The following ZDHHC21 variants were observed in gnomAD, a reference collection of about 807,000 sequenced individuals.
ZDHHC21 encodes palmitoyltransferase ZDHHC21.
A neutral mutation model predicts 34.6 loss-of-function variants in ZDHHC21; 15 were observed. The observed-to-expected ratio is 0.43, with a 90% CI of 0.29 to 0.67. The LOEUF (loss-of-function observed/expected upper bound fraction) is 0.67. ZDHHC21 is among the 30% of genes least tolerant of loss of function. The probability of loss-of-function intolerance (pLI) is 0.14; values close to 1 mark genes in which losing one functional copy is unlikely to be tolerated. For synonymous variants in ZDHHC21, 142 were observed against 101.8 expected, an observed-to-expected ratio of 1.40 and a Z score of -2.38; for missense variants, 344 against 327.7, an observed-to-expected ratio of 1.05 and a Z score of -0.38.
chr9:14,681,766 T>C (rs563967991), intron 2 of ZDHHC21, among the ~76,000 whole-genome samples: 2 of 141,706 alleles, frequency 1.4e-5, no homozygotes, highest in South Asian at 4.5e-4. Context: ...TGTAAGTGGG[T>C]GGGGTAGTGA....
the ZDHHC21 span, among the ~76,000 whole-genome samples, chr9:14,592,980 C>T: frequency 6.6e-6 from 1 of 151,946 alleles, no homozygotes; most frequent in South Asian, 2.1e-4. Flanking sequence ...AAGAACACAG[C>T]ATATCAAAAT....
chr9:14,622,646 G>A, intron 8 of ZDHHC21: 1 of 984,930 alleles, frequency 1.0e-6, no homozygotes, highest in Non-Finnish European at 1.2e-6. Context: ...TGCCACATAT[G>A]TTGTCATACA....
At chr9:14,672,982 T>C in intron 4 of ZDHHC21, 54 bp from the exon 5 acceptor site, 2 of 1,129,650 alleles carry the variant, frequency 1.8e-6, no homozygotes, top group South Asian at 3.5e-5. Flanking sequence ...AAACATTTTA[T>C]CAACAATCAT....
At chr9:14,675,136 C>CG (rs1372477981) in intron 3 of ZDHHC21, among the ~76,000 whole-genome samples, 1 of 151,792 alleles carries the variant, frequency 6.6e-6, no homozygotes, top group East Asian at 1.9e-4. Flanking sequence ...TTAAATGAGG[C>CG]TTTTTTTAGT....
the ZDHHC21 span, among the ~76,000 whole-genome samples, chr9:14,603,991 A>AT: frequency 2.6e-5 from 4 of 152,234 alleles, no homozygotes; most frequent in Admixed American, 1.3e-4. Flanking sequence ...TTCTCTCGAT[A>AT]TTTACAAAGA....
At chr9:14,609,036 A>C (rs1045616075), downstream of ZDHHC21, among the ~76,000 whole-genome samples, 2 of 152,072 alleles carry the variant, frequency 1.3e-5, no homozygotes, top group African/African-American at 2.4e-5. Flanking sequence ...AGAGTCAATG[A>C]ATCTAGTCTC....
At chr9:14,608,079 C>A (rs1361517343), downstream of ZDHHC21, among the ~76,000 whole-genome samples, 1 of 152,132 alleles carries the variant, frequency 6.6e-6, no homozygotes, top group East Asian at 1.9e-4. Flanking sequence ...ATCCAAAAAC[C>A]CTTCATACTG....
At chr9:14,643,135 T>C (rs1332827123) in intron 7 of ZDHHC21, among the ~76,000 whole-genome samples, 2 of 152,026 alleles carry the variant, frequency 1.3e-5, no homozygotes, top group African/African-American at 2.4e-5. Flanking sequence ...TAATCACAGC[T>C]ACTAGGCGGG....
chr9:14,623,915 GA>G (rs1825757587), intron 8 of ZDHHC21, among the ~76,000 whole-genome samples: 1 of 151,966 alleles, frequency 6.6e-6, no homozygotes, highest in Admixed American at 6.6e-5. Flanking sequence ...TCTTGTTGGG[GA>G]AAGTGTAAAT....
intron 5 of ZDHHC21, among the ~76,000 whole-genome samples, chr9:14,671,880 A>C (rs762267410): frequency 2.0e-5 from 3 of 152,158 alleles, no homozygotes; most frequent in Non-Finnish European, 4.4e-5. Context: ...GAAAGTGATA[A>C]AAATATTTCT....
At position 14,693,233 on chromosome 9, in the gene ZDHHC21, G is replaced by C. The variant is rs1422139454; in HGVS notation, c.-229C>G. On this transcript the variant is annotated 5_prime_UTR_variant, in exon 1 of 10. Coordinates refer to ENST00000380916, the MANE Select transcript of ZDHHC21 (RefSeq NM_178566.6). ...CCCCCGCGCCTGCACACTCACCGTC[G>C]CCGCTGGCTCGCCTCTCGCTGCCGC... The C allele has an allele frequency of 2.5e-6, 1 of 405,076 alleles. No individual in the cohort carries two copies. Among genetic ancestry groups the C allele is most frequent in the Non-Finnish European group, 4.9e-6 (1 of 206,028 alleles). The allele number at this position is 405,076 out of a possible 1,614,324, so 25.1% of individuals were successfully genotyped here. A position where few individuals can be genotyped will look rare whatever the true frequency, so the allele number is the denominator to read the frequency against.
At chr9:14,673,431 T>A (rs1208188006) in intron 4 of ZDHHC21, among the ~76,000 whole-genome samples, 1 of 151,782 alleles carries the variant, frequency 6.6e-6, no homozygotes, top group Non-Finnish European at 1.5e-5. Context: ...ATTTTAAAAT[T>A]AATAACCAGA....
At chr9:14,686,463 T>G (rs868215346) in intron 2 of ZDHHC21, among the ~76,000 whole-genome samples, 1 of 152,218 alleles carries the variant, frequency 6.6e-6, no homozygotes, top group Non-Finnish European at 1.5e-5. Flanking sequence ...TATTAAATAC[T>G]GAGAATGTAA....
At chr9:14,648,447 T>C (rs1830646158) in intron 7 of ZDHHC21, among the ~76,000 whole-genome samples, 1 of 152,016 alleles carries the variant, frequency 6.6e-6, no homozygotes, top group Admixed American at 6.6e-5. Context: ...TCTCAACTCA[T>C]CATCTCCTAT....
At chr9:14,666,021 A>G (rs971613023) in intron 5 of ZDHHC21, among the ~76,000 whole-genome samples, 1 of 150,014 alleles carries the variant, frequency 6.7e-6, no homozygotes, top group African/African-American at 2.4e-5. Context: ...ATATAAATGG[A>G]CTAAATTCTC....
rs1031700200 is a variant in ZDHHC21, at chr9:14,618,411, G to C, written c.*555C>G. 6.6e-6 allele frequency: 1 copy of C among 152,516 alleles called. No individual in the cohort carries two copies. Among genetic ancestry groups the C allele is most frequent in the African/African-American group, 2.4e-5 (1 of 41,424 alleles). The allele number at this position is 152,516 out of a possible 1,614,324, so 9.4% of individuals were successfully genotyped here. On this transcript the variant is annotated 3_prime_UTR_variant, in exon 10 of 10. Transcript: ENST00000380916. ...AGCAAGCCACTCCTAAGAAACCAAT[G>C]CCCGTTTTGTGTTGCTGTTGTTCAC...
intron 3 of ZDHHC21, among the ~76,000 whole-genome samples, chr9:14,676,193 G>C (rs983760357): frequency 6.6e-6 from 1 of 151,942 alleles, no homozygotes; most frequent in Non-Finnish European, 1.5e-5. Context: ...GCCAAAATTA[G>C]GTTTGCAGAA....
At chr9:14,634,871 C>T (rs1349194375) in intron 8 of ZDHHC21, among the ~76,000 whole-genome samples, 1 of 151,832 alleles carries the variant, frequency 6.6e-6, no homozygotes, top group Non-Finnish European at 1.5e-5. Context: ...TATGAAATCC[C>T]AGAAAAATAA....
In ZDHHC21 at chr9:14,673,527, G is replaced by A. The variant is rs545805788; in HGVS notation, c.155-599C>T. On this transcript the variant is annotated intron_variant, in intron 4 of 9. Transcript: ENST00000380916. ...AAGAATAGAGAAATTCTGTTGGGGC[G>A]ATAAAAAAAAAAAACATACTGTACA... 8.7e-5 allele frequency among the ~76,000 whole-genome samples: 13 copies of A among 148,790 alleles called. No homozygotes were observed. The East Asian group carries it at 2.3e-3, about 27-fold the overall frequency.
Sources: gnomAD v4.1 joint callset for allele counts (sites outside exome capture counted in the v4.1 genomes callset) on GRCh38, gnomAD v4.1.1 for gene constraint, MANE v1.5 for transcripts, NCBI Gene and HGNC (gene_info 2026-07-23, HGNC 2026-07-21) for gene names.